Variants in PRR16 observed in about 807,000 individuals in gnomAD.
PRR16 encodes proline rich 16, also known as protein Largen.
PRR16 carries 6 observed loss-of-function variants against 18.2 expected under a neutral mutation model. The observed-to-expected ratio is 0.33, with a 90% CI of 0.18 to 0.65. The LOEUF (loss-of-function observed/expected upper bound fraction) is 0.65. Among genes scored for constraint, PRR16 ranks in the 30% least tolerant of loss-of-function variants. The pLI is 0.74. For missense variants in PRR16, 412 were observed against 376.6 expected, an observed-to-expected ratio of 1.09 and a Z score of -0.78; for synonymous variants, 151 against 147.8, an observed-to-expected ratio of 1.02 and a Z score of -0.16.
chr5:120,736,358 G>A, the PRR16 span, among the ~76,000 whole-genome samples: 9 of 151,924 alleles, frequency 5.9e-5, no homozygotes, highest in African/African-American at 1.2e-4. Flanking sequence ...TCTGTCTCCC[G>A]GGTTCAAGTG....
chr5:120,758,212 G>C, the PRR16 span, among the ~76,000 whole-genome samples: 11 of 152,020 alleles, frequency 7.2e-5, no homozygotes, highest in Non-Finnish European at 1.6e-4. Flanking sequence ...TATGAAATAT[G>C]TTACGCAAAT....
intron 1 of PRR16, among the ~76,000 whole-genome samples, chr5:120,608,471 C>CTAA (rs1391764404): frequency 1.3e-5 from 2 of 152,102 alleles, no homozygotes; most frequent in African/African-American, 4.8e-5. Flanking sequence ...AACTATCCAA[C>CTAA]TAATGCAAAC....
At chr5:120,733,806 A>G in the PRR16 span, among the ~76,000 whole-genome samples, 1 of 152,242 alleles carries the variant, frequency 6.6e-6, no homozygotes, top group Non-Finnish European at 1.5e-5. Context: ...GTTTTCTTTC[A>G]TTTTGAGTGT....
intron 1 of PRR16, among the ~76,000 whole-genome samples, chr5:120,466,539 G>C (rs562970698): frequency 5.3e-5 from 8 of 152,258 alleles, no homozygotes; most frequent in African/African-American, 1.9e-4. Context: ...ACTGCACATG[G>C]TCCTGGTTTT....
At chr5:120,779,321 A>AAAAC in the PRR16 span, among the ~76,000 whole-genome samples, 3 of 152,310 alleles carry the variant, frequency 2.0e-5, no homozygotes, top group East Asian at 3.9e-4. Context: ...GGCTTTAGAG[A>AAAAC]AAACAGTTCA....
At chr5:120,488,900 C>G (rs1460996218) in intron 1 of PRR16, among the ~76,000 whole-genome samples, 1 of 152,116 alleles carries the variant, frequency 6.6e-6, no homozygotes, top group Non-Finnish European at 1.5e-5. Context: ...GCCTTCATTT[C>G]ATTATGTACC....
chr5:120,599,560 C>T (rs905961877), intron 1 of PRR16, among the ~76,000 whole-genome samples: 3 of 152,014 alleles, frequency 2.0e-5, no homozygotes, highest in Admixed American at 6.6e-5. Flanking sequence ...TGCTTATTTT[C>T]AAGTTTTTGT....
At chr5:120,702,205 G>T in the PRR16 span, among the ~76,000 whole-genome samples, 51,550 of 148,574 alleles carry the variant, frequency 0.35, 9,821 homozygotes, top group East Asian at 0.77. Flanking sequence ...TGGAAATAAG[G>T]GATGGGGCTC....
At chr5:120,775,425 CTAAA>C in the PRR16 span, among the ~76,000 whole-genome samples, 1 of 152,050 alleles carries the variant, frequency 6.6e-6, no homozygotes, top group Non-Finnish European at 1.5e-5. Context: ...ATTCTACACC[CTAAA>C]TAATAATCAA....
At chr5:120,767,260 G>A in the PRR16 span, among the ~76,000 whole-genome samples, 1 of 151,960 alleles carries the variant, frequency 6.6e-6, no homozygotes, top group African/African-American at 2.4e-5. Flanking sequence ...TCTCAGTCCA[G>A]ATTGCAGGAT....
At chr5:120,535,519 C>G (rs549349685) in intron 1 of PRR16, among the ~76,000 whole-genome samples, 1 of 152,134 alleles carries the variant, frequency 6.6e-6, no homozygotes, top group Non-Finnish European at 1.5e-5. Context: ...ATTAACACTT[C>G]CTGGGTGCAG....
intron 1 of PRR16, among the ~76,000 whole-genome samples, chr5:120,606,567 A>T (rs529335600): frequency 1.3e-5 from 2 of 152,090 alleles, no homozygotes; most frequent in Non-Finnish European, 2.9e-5. Context: ...TTCATTAATC[A>T]CCTAAAGTCA....
the PRR16 span, among the ~76,000 whole-genome samples, chr5:120,767,181 G>T: frequency 6.6e-6 from 1 of 151,828 alleles, no homozygotes; most frequent in African/African-American, 2.4e-5. Flanking sequence ...GTTAACATTC[G>T]CATTTGTGTT....
chr5:120,613,505 A>G (rs552191519), intron 1 of PRR16, among the ~76,000 whole-genome samples: 57 of 152,228 alleles, frequency 3.7e-4, no homozygotes, highest in African/African-American at 1.3e-3. Flanking sequence ...TTATCAAATA[A>G]CTTATATGTA....
intron 1 of PRR16, among the ~76,000 whole-genome samples, chr5:120,515,794 G>A (rs577251640): frequency 2.6e-5 from 4 of 152,282 alleles, no homozygotes; most frequent in Admixed American, 2.6e-4. Context: ...TGTGGAACAA[G>A]GTTTATGCAA....
chr5:120,626,455 A>G (rs1410290374), intron 1 of PRR16, among the ~76,000 whole-genome samples: 1 of 152,140 alleles, frequency 6.6e-6, no homozygotes, highest in Non-Finnish European at 1.5e-5. Flanking sequence ...TACAAGTTAT[A>G]ATAGTGATGA....
chr5:120,768,722 T>C, the PRR16 span, among the ~76,000 whole-genome samples: 2 of 151,668 alleles, frequency 1.3e-5, no homozygotes, highest in African/African-American at 4.8e-5. Flanking sequence ...AAGACTTTGA[T>C]TAAAGTCAAA....
chr5:120,704,492 T>C, the PRR16 span, among the ~76,000 whole-genome samples: 2 of 152,312 alleles, frequency 1.3e-5, no homozygotes, highest in African/African-American at 4.8e-5. Context: ...TAAGAATATA[T>C]GTTCTAAAAA....
intron 1 of PRR16, among the ~76,000 whole-genome samples, chr5:120,481,968 T>A (rs1229136326): frequency 1.3e-5 from 2 of 152,148 alleles, no homozygotes; most frequent in Non-Finnish European, 2.9e-5. Flanking sequence ...ATGAGTGCCA[T>A]AATTTTAATG....
Sources: allele counts gnomAD v4.1 joint callset (sites outside exome capture counted in the v4.1 genomes callset), GRCh38; gene constraint gnomAD v4.1.1; transcripts MANE v1.5; gene names NCBI Gene and HGNC (gene_info 2026-07-23, HGNC 2026-07-21).